ADK: variants seen among roughly 807,000 people sequenced by gnomAD.
The protein encoded by ADK is adenosine kinase, also known as N6,N6-dimethyladenosine kinase.
Under a neutral mutation model 44.7 loss-of-function variants are expected in ADK, and 24 were observed. The observed-to-expected ratio is 0.54, with a 90% CI of 0.39 to 0.76. The LOEUF is 0.76. Among genes scored for constraint, ADK ranks in the 30% least tolerant of loss-of-function variants. The pLI is 0.00. For missense variants in ADK, 321 were observed against 425.1 expected, an observed-to-expected ratio of 0.76 and a Z score of 2.15; for synonymous variants, 128 against 142.6, an observed-to-expected ratio of 0.90 and a Z score of 0.73.
Position 74,151,268 on chromosome 10 carries a change from G to C in ADK, c.-11G>C. ...TGGGCTGTAGAGCCAAAGTGGGGTG[G>C]GAGCGCGAAGATGGCAGCTGCTGAG... On this transcript the variant is annotated 5_prime_UTR_variant, in exon 1 of 11. Transcript: ENST00000539909. 1.3e-6 allele frequency: 2 copies of C among 1,549,632 alleles called. No individual in the cohort carries two copies. Among genetic ancestry groups the C allele is most frequent in the Admixed American group, 2.0e-5 (1 of 50,998 alleles).
intron 3 of ADK, among the ~76,000 whole-genome samples, chr10:74,229,008 T>C (rs1258238898): frequency 1.3e-5 from 2 of 152,198 alleles, no homozygotes; most frequent in East Asian, 3.8e-4. Flanking sequence ...AAGCAGTGTA[T>C]ACTGTTCTAA....
intron 7 of ADK, among the ~76,000 whole-genome samples, chr10:74,589,023 G>A (rs1851622472): frequency 6.6e-6 from 1 of 152,184 alleles, no homozygotes; most frequent in Non-Finnish European, 1.5e-5. Context: ...TGAACTCACT[G>A]TGGCAGCTAC....
intron 6 of ADK, among the ~76,000 whole-genome samples, chr10:74,435,857 CAA>C (rs974134630): frequency 6.6e-6 from 1 of 152,060 alleles, no homozygotes; most frequent in African/African-American, 2.4e-5. Context: ...CCTAGATAAG[CAA>C]GTCTAAGAGT....
intron 7 of ADK, among the ~76,000 whole-genome samples, chr10:74,547,161 CTCTT>C (rs983881731): frequency 6.6e-6 from 1 of 152,020 alleles, no homozygotes; most frequent in Non-Finnish European, 1.5e-5. Flanking sequence ...TGCTTTTTCT[CTCTT>C]TCTGTCTCTC....
At chr10:74,554,166 G>A (rs1191318308) in intron 7 of ADK, among the ~76,000 whole-genome samples, 1 of 152,084 alleles carries the variant, frequency 6.6e-6, no homozygotes, top group African/African-American at 2.4e-5. Context: ...TTCTTCCCAT[G>A]AAAGGGTAAT....
chr10:74,300,327 C>T (rs189312833), intron 3 of ADK, among the ~76,000 whole-genome samples: 2 of 109,832 alleles, frequency 1.8e-5, no homozygotes, highest in East Asian at 2.4e-4. Context: ...TCCTTCCTTC[C>T]TTCCTTCCTT....
At chr10:74,582,017 A>C (rs1469137054) in intron 7 of ADK, among the ~76,000 whole-genome samples, 2 of 152,108 alleles carry the variant, frequency 1.3e-5, no homozygotes, top group Non-Finnish European at 2.9e-5. Context: ...AATAATGCTA[A>C]TTTTTAGGGG....
At chr10:74,361,053 G>A (rs554145153) in intron 4 of ADK, among the ~76,000 whole-genome samples, 36 of 152,124 alleles carry the variant, frequency 2.4e-4, no homozygotes, top group Admixed American at 6.5e-4. Context: ...GACTACAGGC[G>A]TGCACCACCA....
intron 4 of ADK, among the ~76,000 whole-genome samples, chr10:74,364,568 C>G (rs577689583): frequency 6.6e-6 from 1 of 152,082 alleles, no homozygotes; most frequent in Non-Finnish European, 1.5e-5. Context: ...GATACCTTTT[C>G]CCTCAGGTTT....
At chr10:74,294,288 CTTTT>C (rs1215680885) in intron 3 of ADK, among the ~76,000 whole-genome samples, 130 of 145,650 alleles carry the variant, frequency 8.9e-4, no homozygotes, top group African/African-American at 2.4e-3. Flanking sequence ...TCTTTTCTTT[CTTTT>C]TTTTTTTTTT....
At chr10:74,567,236 C>A (rs1044429151) in intron 7 of ADK, among the ~76,000 whole-genome samples, 3 of 152,168 alleles carry the variant, frequency 2.0e-5, no homozygotes, top group Admixed American at 2.0e-4. Flanking sequence ...CTATGCTTCA[C>A]TATTTAAATT....
chr10:74,259,062 G>A (rs914900869), intron 3 of ADK, among the ~76,000 whole-genome samples: 24 of 147,558 alleles, frequency 1.6e-4, no homozygotes, highest in African/African-American at 5.0e-4. Context: ...AGCGATTCTC[G>A]TGCCTTAGCC....
intron 3 of ADK, among the ~76,000 whole-genome samples, chr10:74,261,113 G>A (rs371487438): frequency 2.0e-5 from 3 of 151,984 alleles, no homozygotes; most frequent in Non-Finnish European, 4.4e-5. Context: ...GTCTATAATC[G>A]TTATTTATAT....
At chr10:74,553,209 T>G (rs1377812182) in intron 7 of ADK, among the ~76,000 whole-genome samples, 33 of 132,096 alleles carry the variant, frequency 2.5e-4, no homozygotes, top group Middle Eastern at 7.3e-3. Context: ...TTTTTTTTTT[T>G]TTTTTTTTTT....
chr10:74,363,555 C>T (rs1842407440), intron 4 of ADK, among the ~76,000 whole-genome samples: 1 of 151,894 alleles, frequency 6.6e-6, no homozygotes, highest in Admixed American at 6.6e-5. Context: ...TGAGACTGGA[C>T]CCTCTCAGGA....
intron 7 of ADK, 74 bp downstream of exon 7, chr10:74,525,500 T>C: frequency 7.7e-7 from 1 of 1,298,472 alleles, no homozygotes; most frequent in South Asian, 1.3e-5. Flanking sequence ...GTATATATGT[T>C]TAGAAATATA....
chr10:74,532,701 G>C (rs1004293965), intron 7 of ADK, among the ~76,000 whole-genome samples: 1 of 151,940 alleles, frequency 6.6e-6, no homozygotes, highest in Non-Finnish European at 1.5e-5. Flanking sequence ...AAGAGTTCTA[G>C]ACCAGTGTGG....
intron 7 of ADK, among the ~76,000 whole-genome samples, chr10:74,527,380 A>C (rs1849093894): frequency 6.6e-6 from 1 of 151,274 alleles, no homozygotes; most frequent in South Asian, 2.1e-4. Context: ...AACAAAAAAA[A>C]AAAAACATAA....
At chr10:74,332,821 A>C (rs1033038529) in intron 4 of ADK, among the ~76,000 whole-genome samples, 2 of 152,196 alleles carry the variant, frequency 1.3e-5, no homozygotes, top group Non-Finnish European at 2.9e-5. Context: ...TAACATAAGG[A>C]ATATATGTCA....
Sources: gnomAD v4.1 joint callset for allele counts (sites outside exome capture counted in the v4.1 genomes callset) on GRCh38, gnomAD v4.1.1 for gene constraint, MANE v1.5 for transcripts, NCBI Gene and HGNC (gene_info 2026-07-23, HGNC 2026-07-21) for gene names.